The following DNMT3B variants were observed in gnomAD, a reference collection of about 807,000 sequenced individuals.
DNMT3B encodes the protein DNA (cytosine-5)-methyltransferase 3B.
Under a neutral mutation model 120.2 loss-of-function variants are expected in DNMT3B, and 37 were observed. The observed-to-expected ratio is 0.31, with a 90% confidence interval of 0.24 to 0.40. The LOEUF (loss-of-function observed/expected upper bound fraction) is 0.40, where lower values mean the gene tolerates loss of function less well. Ranked by LOEUF, DNMT3B falls within the 10% of genes least tolerant of loss-of-function variation. The pLI is 1.00. For missense variants in DNMT3B, 878 were observed against 1,137.3 expected, an observed-to-expected ratio of 0.77 and a Z score of 3.28; for synonymous variants, 412 against 442.8, an observed-to-expected ratio of 0.93 and a Z score of 0.87.
At chr20:32,791,795 G>A (rs750248635) in intron 8 of DNMT3B, 87 bp downstream of exon 8, 146 of 1,498,314 alleles carry the variant, frequency 9.7e-5, no homozygotes, top group Non-Finnish European at 1.2e-4. Flanking sequence ...GTGTTGCCAA[G>A]GGTGGTTTGG....
chr20:32,782,192 G>A (rs950813480), intron 3 of DNMT3B, among the ~76,000 whole-genome samples: 7 of 152,200 alleles, frequency 4.6e-5, no homozygotes, highest in Non-Finnish European at 8.8e-5. Context: ...GTGTAGTTAA[G>A]ATGGGAAAGG....
At chr20:32,780,156 G>C (rs1329475516) in intron 1 of DNMT3B, 162 bp from the exon 2 acceptor site, 3 of 1,613,576 alleles carry the variant, frequency 1.9e-6, no homozygotes. Flanking sequence ...GTGAGGGGGA[G>C]GCTATGGGGG....
intron 3 of DNMT3B, 149 bp downstream of exon 3, chr20:32,781,563 T>G: frequency 1.2e-6 from 1 of 832,022 alleles, no homozygotes; most frequent in Non-Finnish European, 2.0e-6. Context: ...TTGGCATTAT[T>G]TTTTCAATCT....
At chr20:32,763,749 T>G (rs549346574) in intron 1 of DNMT3B, among the ~76,000 whole-genome samples, 7 of 152,346 alleles carry the variant, frequency 4.6e-5, no homozygotes, top group Non-Finnish European at 1.0e-4. Flanking sequence ...TGCCCGCGCC[T>G]CCAGCTTTCC....
intron 20 of DNMT3B, among the ~76,000 whole-genome samples, chr20:32,803,285 A>G (rs1601134403): frequency 6.6e-6 from 1 of 152,252 alleles, no homozygotes; most frequent in East Asian, 1.9e-4. Context: ...TGGTAATGTG[A>G]CATCCCAGAC....
intron 12 of DNMT3B, 34 bp from the exon 13 acceptor site, chr20:32,796,756 A>G: frequency 1.2e-6 from 2 of 1,613,460 alleles, no homozygotes; most frequent in Non-Finnish European, 1.7e-6. Context: ...CAGGGCCTCA[A>G]CTGCCAAAAG....
At chr20:32,802,769 G>A (rs1287989833) in intron 20 of DNMT3B, among the ~76,000 whole-genome samples, 2 of 152,216 alleles carry the variant, frequency 1.3e-5, no homozygotes, top group Non-Finnish European at 2.9e-5. Flanking sequence ...GGAGGCCGAG[G>A]CTGGAGGATC....
Position 32,807,834 on chromosome 20 carries a change from A to C in DNMT3B, c.2493A>C (p.Gly831=). Residue 831 remains glycine (G), a synonymous_variant, in exon 23 of 23, where the codon GGA becomes GGC. Transcript: ENST00000328111. ...MGRGARQKLL[G]RSWSVPVIRH... is the part of the protein sequence containing the mutation. ...GTGGTGCCCGCCAGAAGCTGCTGGG[A>C]AGGTCCTGGAGCGTGCCTGTCATCC... The C allele has an allele frequency of 6.2e-7, 1 of 1,614,212 alleles. No homozygotes were observed.
intron 3 of DNMT3B, 79 bp downstream of exon 3, chr20:32,781,493 T>A: frequency 6.8e-7 from 1 of 1,469,366 alleles, no homozygotes; most frequent in Non-Finnish European, 9.5e-7. Context: ...CTGAGGCCCA[T>A]AAAAACTGGC....
At chr20:32,763,816 C>T (rs1601032653) in intron 1 of DNMT3B, among the ~76,000 whole-genome samples, 1 of 152,252 alleles carries the variant, frequency 6.6e-6, no homozygotes, top group Admixed American at 6.5e-5. Flanking sequence ...TCCGTGTTTC[C>T]ACCCTCCCCC....
At chr20:32,765,750 CTTTTTTTCTTTT>C (rs1987314345) in intron 1 of DNMT3B, among the ~76,000 whole-genome samples, 10 of 108,440 alleles carry the variant, frequency 9.2e-5, no homozygotes, top group Admixed American at 2.8e-4. Context: ...TTTATTTTTT[CTTTTTTTCTTTT>C]TTTTTTTTTT....
chr20:32,807,888 C>T lies in DNMT3B; in HGVS notation c.2547C>T (p.Tyr849=), dbSNP rs1982143084. 7 of 1,614,250 alleles carry T rather than the reference C, an allele frequency of 4.3e-6. No homozygotes were observed. The African/African-American group carries it at 6.7e-5, about 15-fold the overall frequency. The change falls in exon 23 of 23, where the codon TAC becomes TAT. Residue 849 remains tyrosine, a synonymous_variant. Transcript: ENST00000328111. Reference sequence around the variant, plus strand: ...ACCTCTTCGCCCCTCTGAAGGACTACTTTGCATGTGAATAGTTCCAGCCAG... The same window carrying T: ...ACCTCTTCGCCCCTCTGAAGGACTATTTTGCATGTGAATAGTTCCAGCCAG... ...IRHLFAPLKD[Y]FACE
intron 10 of DNMT3B, among the ~76,000 whole-genome samples, chr20:32,795,109 A>G (rs1980448942): frequency 6.6e-6 from 1 of 152,236 alleles, no homozygotes. Context: ...TATCACAGAC[A>G]TGGGTATGCC....
chr20:32,807,084 G>A (rs1297873835), intron 22 of DNMT3B, among the ~76,000 whole-genome samples: 3 of 152,216 alleles, frequency 2.0e-5, no homozygotes, highest in African/African-American at 4.8e-5. Flanking sequence ...GCAGATGGCT[G>A]ACATTGTGTA....
chr20:32,780,602 G>A (rs1978494527), intron 2 of DNMT3B, 137 bp downstream of exon 2: 1 of 1,405,888 alleles, frequency 7.1e-7, no homozygotes, highest in Non-Finnish European at 9.6e-7. Context: ...CTCTAGCAAG[G>A]AGGGATGCAG....
intron 4 of DNMT3B, among the ~76,000 whole-genome samples, chr20:32,785,228 T>G (rs1345138860): frequency 6.6e-6 from 1 of 152,034 alleles, no homozygotes; most frequent in African/African-American, 2.4e-5. Context: ...TCAGTAGAGA[T>G]GAAGTTTTAC....
At chr20:32,779,511 G>A (rs769709506) in intron 1 of DNMT3B, among the ~76,000 whole-genome samples, 6 of 152,380 alleles carry the variant, frequency 3.9e-5, no homozygotes, top group Non-Finnish European at 7.3e-5. Context: ...CAACCCATCC[G>A]TATGGCCCTG....
chr20:32,767,279 G>A (rs1987438224), intron 1 of DNMT3B, among the ~76,000 whole-genome samples: 1 of 151,860 alleles, frequency 6.6e-6, no homozygotes, highest in Non-Finnish European at 1.5e-5. Context: ...AGGGTTTAGT[G>A]TTCCCTCGTG....
intron 21 of DNMT3B, 89 bp from the exon 22 acceptor site, chr20:32,806,120 C>G (rs892242976): frequency 8.2e-7 from 1 of 1,212,318 alleles, no homozygotes; most frequent in African/African-American, 1.5e-5. Context: ...CCTGCGCTCT[C>G]CCCTCCATCT....
Sources: gnomAD v4.1 joint callset for allele counts (sites outside exome capture counted in the v4.1 genomes callset) on GRCh38, gnomAD v4.1.1 for gene constraint, MANE v1.5 for transcripts, NCBI Gene and HGNC (gene_info 2026-07-23, HGNC 2026-07-21) for gene names.